The following CTTNBP2 variants were observed in gnomAD, a reference collection of about 807,000 sequenced individuals.
CTTNBP2 encodes cortactin binding protein 2, also known as cortactin-binding protein 2.
CTTNBP2 carries 108 observed loss-of-function variants against 156.9 expected under a neutral mutation model. That is an observed-to-expected ratio of 0.69 (90% CI 0.59 to 0.81). CTTNBP2 has a LOEUF of 0.81. Ranked by LOEUF, CTTNBP2 falls within the 30% of genes least tolerant of loss-of-function variation. The pLI is 0.00. For synonymous variants in CTTNBP2, 767 were observed against 751.8 expected (o/e 1.02, Z -0.33); for missense variants, 1,924 against 2,035.4 (o/e 0.95, Z 1.05).
chr7:117,728,327 C>A (rs893232130), intron 16 of CTTNBP2, 60 bp from the exon 17 acceptor site: 52 of 1,223,806 alleles, frequency 4.2e-5, no homozygotes, highest in Non-Finnish European at 5.1e-5. Context: ...TTTTTAGAAG[C>A]CCAAAATTAA....
At chr7:117,811,955 T>C (rs144552395) in intron 2 of CTTNBP2, among the ~76,000 whole-genome samples, 1 of 150,870 alleles carries the variant, frequency 6.6e-6, no homozygotes, top group Non-Finnish European at 1.5e-5. Context: ...AAATTTTTAA[T>C]GTAAAAATAA....
intron 12 of CTTNBP2, among the ~76,000 whole-genome samples, chr7:117,748,123 T>C (rs1420525148): frequency 1.3e-5 from 2 of 152,196 alleles, no homozygotes; most frequent in Non-Finnish European, 2.9e-5. Flanking sequence ...AAAGTGCTGC[T>C]GAGGTTCTGC....
intron 2 of CTTNBP2, among the ~76,000 whole-genome samples, chr7:117,843,668 A>G (rs1802402887): frequency 6.6e-6 from 1 of 152,204 alleles, no homozygotes; most frequent in Admixed American, 6.5e-5. Flanking sequence ...GATGGTGGCC[A>G]CTGGAAGACT....
Position 117,837,198 on chromosome 7 carries a change from T to C in CTTNBP2, c.189+24011A>G, listed in dbSNP as rs1304440251. 3.3e-5 allele frequency among the ~76,000 whole-genome samples: 5 copies of C among 152,290 alleles called. No individual in the cohort carries two copies. The East Asian group carries it at 5.8e-4, about 18-fold the overall frequency. On this transcript the variant is annotated intron_variant, in intron 2 of 22. Transcript: ENST00000160373. ...TTTCAGTTACATGAGCCAATATATC[T>C]CTTAGGAGGTATTCTGTCACTTGCA...
intron 2 of CTTNBP2, among the ~76,000 whole-genome samples, chr7:117,818,344 T>G (rs569749534): frequency 2.0e-5 from 3 of 152,272 alleles, no homozygotes; most frequent in African/African-American, 7.2e-5. Context: ...GCTAAGGAAT[T>G]CTGTACTCAG....
At chr7:117,721,664 C>A (rs1220223307) in intron 19 of CTTNBP2, among the ~76,000 whole-genome samples, 1 of 152,056 alleles carries the variant, frequency 6.6e-6, no homozygotes, top group Non-Finnish European at 1.5e-5. Context: ...GAACAGGGTA[C>A]AAAAAGTCAT....
Position 117,780,150 on chromosome 7 carries a change from T to C in CTTNBP2, c.2523+291A>G, listed in dbSNP as rs113363386. Among the ~76,000 whole-genome samples the C allele has an allele frequency of 0.013, 2,034 of 152,284 alleles. 54 individuals carry two copies. The highest frequency in any genetic ancestry group is 0.047 in the African/African-American group (1,942 of 41,552). ...ATTATTTGTTGAATGAATAAAAAAT[T>C]ATACCTCCCTTGTCTGCCCTAGTTC... is the stretch of plus-strand genomic sequence containing the variant. On this transcript the variant is annotated intron_variant, in intron 7 of 22. Transcript: ENST00000160373.
intron 8 of CTTNBP2, among the ~76,000 whole-genome samples, chr7:117,772,778 G>T (rs918417868): frequency 6.6e-6 from 1 of 152,156 alleles, no homozygotes; most frequent in Non-Finnish European, 1.5e-5. Context: ...AAGTGAGAAA[G>T]TTCAGAGTGA....
chr7:117,794,015 C>T (rs1444905403), intron 3 of CTTNBP2, among the ~76,000 whole-genome samples: 2 of 152,186 alleles, frequency 1.3e-5, no homozygotes, highest in Admixed American at 6.5e-5. Flanking sequence ...CCCCCTCACC[C>T]CAAGTATGAC....
chr7:117,852,841 TCCA>T (rs1406571417), intron 2 of CTTNBP2, among the ~76,000 whole-genome samples: 1 of 152,160 alleles, frequency 6.6e-6, no homozygotes, highest in Non-Finnish European at 1.5e-5. Context: ...AAGTAAACAA[TCCA>T]TAAATGACAA....
chr7:117,833,672 A>G (rs1801757258), intron 2 of CTTNBP2, among the ~76,000 whole-genome samples: 1 of 152,198 alleles, frequency 6.6e-6, no homozygotes, highest in African/African-American at 2.4e-5. Flanking sequence ...ACTACAACCT[A>G]GTTACCTGTT....
Position 117,780,418 on chromosome 7 carries a change from GA to G in CTTNBP2, c.2523+22del, listed in dbSNP as rs769217931. ...ATATTGCAAATTATATATACAGGGG[GA>G]AAAAAACAGACTGCTACTCACTGTG... On this transcript the variant is annotated intron_variant, in intron 7 of 22. Coordinates refer to ENST00000160373, the MANE Select transcript of CTTNBP2 (RefSeq NM_033427.3). The G allele has an allele frequency of 5.1e-5, 75 of 1,468,182 alleles. No individual in the cohort carries two copies. The South Asian group carries it at 6.4e-4, about 13-fold the overall frequency. The allele number at this position is 1,468,182 out of a possible 1,614,324, so 90.9% of individuals were successfully genotyped here.
chr7:117,802,103 T>C (rs1799648907), intron 3 of CTTNBP2, among the ~76,000 whole-genome samples: 1 of 130,270 alleles, frequency 7.7e-6, no homozygotes, highest in South Asian at 2.5e-4. Flanking sequence ...TTCCCCTTCA[T>C]GTGTCCATGT....
intron 17 of CTTNBP2, among the ~76,000 whole-genome samples, chr7:117,727,224 C>G (rs73473623): frequency 0.017 from 2,526 of 152,178 alleles, 77 homozygotes; most frequent in African/African-American, 0.058. Context: ...CAGGGTCTTG[C>G]TCTAATACTC....
chr7:117,817,378 A>G (rs1262287283), intron 2 of CTTNBP2, among the ~76,000 whole-genome samples: 1 of 123,758 alleles, frequency 8.1e-6, no homozygotes. Context: ...ATATATATAT[A>G]TATATATATA....
chr7:117,834,966 T>G (rs1466673277), intron 2 of CTTNBP2, among the ~76,000 whole-genome samples: 2 of 152,254 alleles, frequency 1.3e-5, no homozygotes, highest in East Asian at 3.8e-4. Flanking sequence ...TACTTAGAGT[T>G]GCCTCTTGGA....
At chr7:117,769,475 ATC>A (rs566427435) in intron 8 of CTTNBP2, among the ~76,000 whole-genome samples, 8 of 152,150 alleles carry the variant, frequency 5.3e-5, no homozygotes, top group Non-Finnish European at 1.0e-4. Flanking sequence ...GGTTAGAGGG[ATC>A]TCTCTAAAGC....
At chr7:117,723,185 A>C (rs2116402470) in intron 19 of CTTNBP2, among the ~76,000 whole-genome samples, 1 of 152,322 alleles carries the variant, frequency 6.6e-6, no homozygotes, top group South Asian at 2.1e-4. Context: ...TAAAAGTATA[A>C]GAAAATTCAT....
rs780892346 is a variant in CTTNBP2 at position 117,791,234 on chromosome 7, A to T, written c.1962T>A (p.Ser654Arg). 6.2e-7 allele frequency: 1 copy of T among 1,614,134 alleles called. No homozygotes were observed. Among genetic ancestry groups the T allele is most frequent in the East Asian group, 2.2e-5 (1 of 44,876 alleles). ...CAATGGTGGTAGGAATGACAAGGGA[A>T]CTGTCTGAACATGCAGGTTGGTTCA... ...PGLNQPACSD[S>R]SLVIPTTIAF... is the part of the protein sequence containing the mutation. The change falls in exon 4 of 23, where the codon AGT becomes AGA. Residue 654 changes from serine to arginine, a missense_variant. Ser to Arg is a moderately radical substitution (Grantham distance 110). Coordinates refer to ENST00000160373, the MANE Select transcript of CTTNBP2 (RefSeq NM_033427.3).
Sources: allele counts gnomAD v4.1 joint callset (sites outside exome capture counted in the v4.1 genomes callset), GRCh38; gene constraint gnomAD v4.1.1; transcripts MANE v1.5; gene names NCBI Gene and HGNC (gene_info 2026-07-23, HGNC 2026-07-21).